The following PDSS2 variants were observed in gnomAD, a reference collection of about 807,000 sequenced individuals.
PDSS2 encodes the protein all trans-polyprenyl-diphosphate synthase PDSS2.
PDSS2 carries 31 observed loss-of-function variants against 44.5 expected under a neutral mutation model. That is an observed-to-expected ratio of 0.70 (90% CI 0.52 to 0.94). The LOEUF (loss-of-function observed/expected upper bound fraction) is 0.94. Ranked by LOEUF, PDSS2 falls within the 40% of genes least tolerant of loss-of-function variation. The pLI is 0.00. For synonymous variants in PDSS2, 157 were observed against 180.3 expected (o/e 0.87, Z 1.03); for missense variants, 452 against 482.2 (o/e 0.94, Z 0.59).
At position 107,210,464 on chromosome 6, in the gene PDSS2, T is replaced by C; in HGVS notation, c.983A>G (p.Asp328Gly). 1 of 1,610,382 alleles carries C rather than the reference T, an allele frequency of 6.2e-7. No individual in the cohort carries two copies. The highest frequency in any genetic ancestry group is 8.5e-7 in the Non-Finnish European group (1 of 1,176,942). ...VVLHQEFLGRDLWIKQIGEAQ... is the reference protein window; with the variant it reads ...VVLHQEFLGRGLWIKQIGEAQ... ...CTCTCCGATCTGTTTAATCCACAAA[T>C]CTCTTCCAAGAAATTCCTGATGTAA... Residue 328 changes from aspartate (D) to glycine (G), a missense_variant, in exon 6 of 8, where the codon GAT (aspartate) becomes GGT (glycine). By Grantham distance (94) the Asp-to-Gly change is moderately conservative. Transcript: ENST00000369037.
At chr6:107,420,399 A>G (rs1780787241) in intron 1 of PDSS2, among the ~76,000 whole-genome samples, 1 of 152,228 alleles carries the variant, frequency 6.6e-6, no homozygotes, top group Admixed American at 6.5e-5. Flanking sequence ...AAAGAAGAAA[A>G]GTAGGAAGAA....
At chr6:107,380,702 G>A (rs1195057128) in intron 1 of PDSS2, among the ~76,000 whole-genome samples, 2 of 151,862 alleles carry the variant, frequency 1.3e-5, no homozygotes, top group East Asian at 3.9e-4. Context: ...TTCCCAGTTA[G>A]CTATGATTCT....
intron 7 of PDSS2, among the ~76,000 whole-genome samples, chr6:107,180,706 G>C (rs1771945141): frequency 1.3e-5 from 2 of 152,112 alleles, no homozygotes; most frequent in Non-Finnish European, 1.5e-5. Flanking sequence ...ATAAATATTA[G>C]ATATTATGTA....
intron 1 of PDSS2, among the ~76,000 whole-genome samples, chr6:107,444,746 GA>G (rs2114822625): frequency 6.6e-6 from 1 of 152,240 alleles, no homozygotes; most frequent in East Asian, 1.9e-4. Context: ...TTACCATGCA[GA>G]AAGGACTAAT....
At chr6:107,183,166 C>G (rs1172136907) in intron 7 of PDSS2, among the ~76,000 whole-genome samples, 1 of 149,420 alleles carries the variant, frequency 6.7e-6, no homozygotes, top group Non-Finnish European at 1.5e-5. Context: ...GAGCCATAAT[C>G]ATGCCACTGC....
chr6:107,209,955 C>G (rs748170401), intron 6 of PDSS2, among the ~76,000 whole-genome samples: 3 of 152,148 alleles, frequency 2.0e-5, no homozygotes, highest in Non-Finnish European at 4.4e-5. Context: ...CTTTACCCCT[C>G]CCACTTCGCC....
At chr6:107,378,450 T>C (rs1036737444) in intron 1 of PDSS2, among the ~76,000 whole-genome samples, 5 of 152,086 alleles carry the variant, frequency 3.3e-5, no homozygotes, top group African/African-American at 7.2e-5. Flanking sequence ...ATGCTAGCAA[T>C]AGACAATTGG....
intron 1 of PDSS2, among the ~76,000 whole-genome samples, chr6:107,454,318 G>A (rs1005955901): frequency 2.0e-5 from 3 of 151,998 alleles, no homozygotes; most frequent in Non-Finnish European, 2.9e-5. Flanking sequence ...AAAGTTCTGG[G>A]ATTGCAGGTG....
intron 7 of PDSS2, among the ~76,000 whole-genome samples, chr6:107,156,832 G>T (rs925957568): frequency 6.6e-6 from 1 of 152,178 alleles, no homozygotes; most frequent in Non-Finnish European, 1.5e-5. Flanking sequence ...GAAATTATCT[G>T]TAGCCATTTT....
intron 1 of PDSS2, among the ~76,000 whole-genome samples, chr6:107,350,427 A>G (rs1040221468): frequency 6.6e-6 from 1 of 152,252 alleles, no homozygotes; most frequent in African/African-American, 2.4e-5. Flanking sequence ...GAAGATAAAA[A>G]TGTATTTCTG....
At chr6:107,322,310 A>T (rs1167038719) in intron 2 of PDSS2, among the ~76,000 whole-genome samples, 1 of 151,806 alleles carries the variant, frequency 6.6e-6, no homozygotes, top group African/African-American at 2.4e-5. Context: ...ACTTGAGGCC[A>T]GGAGTTTGAG....
At chr6:107,389,836 A>C (rs1042507337) in intron 1 of PDSS2, among the ~76,000 whole-genome samples, 3 of 152,034 alleles carry the variant, frequency 2.0e-5, no homozygotes, top group Admixed American at 2.0e-4. Flanking sequence ...AACAAACAAA[A>C]AAAACCATAG....
At chr6:107,228,758 C>T (rs981501264) in intron 4 of PDSS2, among the ~76,000 whole-genome samples, 1 of 144,882 alleles carries the variant, frequency 6.9e-6, no homozygotes, top group Admixed American at 6.8e-5. Context: ...AAAACAAATT[C>T]CTCTCAATAG....
chr6:107,377,788 A>C (rs1354184112), intron 1 of PDSS2, among the ~76,000 whole-genome samples: 1 of 152,096 alleles, frequency 6.6e-6, no homozygotes, highest in Non-Finnish European at 1.5e-5. Flanking sequence ...TCGCAAGGAC[A>C]AAAAACCAAA....
intron 1 of PDSS2, among the ~76,000 whole-genome samples, chr6:107,385,088 T>C (rs11153062): frequency 0.029 from 4,461 of 152,316 alleles, 112 homozygotes; most frequent in African/African-American, 0.058. Context: ...GCTTTCCAGG[T>C]GAATACTGAC....
At chr6:107,169,229 A>G (rs1180866701) in intron 7 of PDSS2, among the ~76,000 whole-genome samples, 1 of 151,516 alleles carries the variant, frequency 6.6e-6, no homozygotes, top group Non-Finnish European at 1.5e-5. Flanking sequence ...CATTCATTTG[A>G]TCTTCAATCA....
chr6:107,444,803 A>G (rs1443769278), intron 1 of PDSS2, among the ~76,000 whole-genome samples: 1 of 152,204 alleles, frequency 6.6e-6, no homozygotes, highest in Non-Finnish European at 1.5e-5. Flanking sequence ...TCAGGAACAT[A>G]AAGTCCCTAC....
At chr6:107,359,141 G>C (rs1778682733) in intron 1 of PDSS2, among the ~76,000 whole-genome samples, 2 of 149,958 alleles carry the variant, frequency 1.3e-5, no homozygotes, top group South Asian at 4.2e-4. Context: ...CTCCTGAGTA[G>C]CTGGGATTAC....
intron 1 of PDSS2, among the ~76,000 whole-genome samples, chr6:107,415,694 C>T (rs1780636623): frequency 6.6e-6 from 1 of 152,198 alleles, no homozygotes; most frequent in Admixed American, 6.5e-5. Flanking sequence ...AGCTCTACTT[C>T]AATGTCCACC....
Sources: allele counts gnomAD v4.1 joint callset (sites outside exome capture counted in the v4.1 genomes callset), GRCh38; gene constraint gnomAD v4.1.1; transcripts MANE v1.5; gene names NCBI Gene and HGNC (gene_info 2026-07-23, HGNC 2026-07-21).